BPIFB2: variants seen among roughly 807,000 people sequenced by gnomAD.
BPIFB2 encodes the protein BPI fold containing family B member 2.
Under a neutral mutation model 50.1 loss-of-function variants are expected in BPIFB2, and 39 were observed. The ratio of observed to expected loss-of-function variants is 0.78; its 90% CI spans 0.60 to 1.02. The LOEUF (loss-of-function observed/expected upper bound fraction) is 1.02, where lower values mean the gene tolerates loss of function less well. Ranked by LOEUF, BPIFB2 falls within the 50% of genes least tolerant of loss-of-function variation. The pLI is 0.00. For missense variants in BPIFB2, 574 were observed against 585.8 expected (o/e 0.98, Z 0.21); for synonymous variants, 280 against 256.3 (o/e 1.09, Z -0.88).
Position 33,019,665 on chromosome 20 carries a change from A to G in BPIFB2, c.995A>G (p.Asn332Ser). 1 of 1,612,136 alleles carries G rather than the reference A, an allele frequency of 6.2e-7. No individual in the cohort carries two copies. Among genetic ancestry groups the G allele is most frequent in the Non-Finnish European group, 8.5e-7 (1 of 1,179,196 alleles). The change falls in exon 11 of 16, where the codon AAC becomes AGC. Residue 332 changes from asparagine (N) to serine (S), a missense_variant. By Grantham distance (46) the Asn-to-Ser change is conservative (BLOSUM62 1). Transcript: ENST00000170150. The stretch of plus-strand genomic sequence containing the variant: ...CCTGTGGCCATGCTCCACACAAACA[A>G]CGCCACCCTGCGGCTGCAGCCCTTC... ...ATPVAMLHTNNATLRLQPFVE... is the reference protein window; with the variant it reads ...ATPVAMLHTNSATLRLQPFVE...
chr20:33,021,015 C>T (rs1568979783), intron 13 of BPIFB2, among the ~76,000 whole-genome samples: 1 of 152,166 alleles, frequency 6.6e-6, no homozygotes, highest in Non-Finnish European at 1.5e-5. Context: ...CGTGAGTGTC[C>T]ACAGTCAGTG....
At chr20:33,008,019 G>A (rs527644726) in intron 1 of BPIFB2, among the ~76,000 whole-genome samples, 1 of 152,296 alleles carries the variant, frequency 6.6e-6, no homozygotes, top group Non-Finnish European at 1.5e-5. Flanking sequence ...GAGAGGATGG[G>A]GGCCATGTGA....
At chr20:33,021,898 AC>A in intron 15 of BPIFB2, 99 bp downstream of exon 15, 1 of 1,209,398 alleles carries the variant, frequency 8.3e-7, no homozygotes, top group Non-Finnish European at 1.2e-6. Context: ...GGCTGCCAAA[AC>A]CATGCCATGA....
chr20:33,018,228 A>T, intron 7 of BPIFB2, 31 bp from the exon 8 acceptor site: 1 of 1,528,840 alleles, frequency 6.5e-7, no homozygotes. Context: ...TAAATATGCC[A>T]TCTTTTCTTC....
At position 33,023,324 on chromosome 20, in the gene BPIFB2, G is replaced by T. The variant is rs961725833; in HGVS notation, c.1336-18G>T. 1 of 1,613,238 alleles carries T rather than the reference G, an allele frequency of 6.2e-7. No individual in the cohort carries two copies. Among genetic ancestry groups the T allele is most frequent in the Non-Finnish European group, 8.5e-7 (1 of 1,179,398 alleles). On this transcript the variant is annotated intron_variant, in intron 15 of 15. Transcript: ENST00000170150. The stretch of plus-strand genomic sequence containing the variant: ...TGTGCCTCCTCTGACCTGGTCCATG[G>T]TTTCCTTTGCCCTTCAGGGCTACGT...
intron 3 of BPIFB2, among the ~76,000 whole-genome samples, chr20:33,012,506 C>T (rs1401408991): frequency 3.9e-5 from 6 of 152,134 alleles, no homozygotes; most frequent in African/African-American, 1.2e-4. Flanking sequence ...TCTTTTCCAA[C>T]CTTCCCAACT....
chr20:33,015,861 C>T (rs977331470), intron 6 of BPIFB2, among the ~76,000 whole-genome samples: 14 of 152,116 alleles, frequency 9.2e-5, no homozygotes, highest in African/African-American at 2.2e-4. Flanking sequence ...GTGGCCTGGA[C>T]GGGTCCTGGT....
At chr20:33,019,926 T>G (rs936933505) in intron 11 of BPIFB2, among the ~76,000 whole-genome samples, 176 bp downstream of exon 11, 2 of 152,204 alleles carry the variant, frequency 1.3e-5, no homozygotes, top group African/African-American at 4.8e-5. Flanking sequence ...CCTAGGACTC[T>G]CCCACCCTGG....
rs184207662 is a variant in BPIFB2, at chr20:33,023,099, T to C, written c.1336-243T>C. 2.4e-4 allele frequency among the ~76,000 whole-genome samples: 36 copies of C among 152,288 alleles called. 1 individual carries two copies. Among genetic ancestry groups the C allele is most frequent in the African/African-American group, 7.9e-4 (33 of 41,564 alleles). On this transcript the variant is annotated intron_variant, in intron 15 of 15. Transcript: ENST00000170150. ...CATAAAGCATCAGTGGTATCCACCA[T>C]CGGAGCAGCAACCAGTGCCTTCCAT... is the stretch of plus-strand genomic sequence containing the variant.
intron 1 of BPIFB2, 56 bp from the exon 2 acceptor site, chr20:33,008,485 G>A: frequency 9.3e-7 from 1 of 1,072,638 alleles, no homozygotes; most frequent in East Asian, 2.7e-5. Flanking sequence ...TGGGGTTCGG[G>A]TGGCTCAGGG....
chr20:33,011,007 C>G lies in BPIFB2; in HGVS notation c.110-17C>G. 6.2e-7 allele frequency: 1 copy of G among 1,611,560 alleles called. No individual in the cohort carries two copies. On this transcript the variant is annotated splice_polypyrimidine_tract_variant and intron_variant, in intron 2 of 15. Coordinates refer to ENST00000170150, the MANE Select transcript of BPIFB2 (RefSeq NM_025227.3). ...TTCCCGAGGGCACCCTGACCTCACT[C>G]TACCCTGGCCCCACAGTGTCTGAAA... is the stretch of plus-strand genomic sequence containing the variant.
Position 33,020,526 on chromosome 20 carries a change from C to T in BPIFB2, c.1149-16C>T, listed in dbSNP as rs757903644. 1.9e-6 allele frequency: 3 copies of T among 1,604,706 alleles called. No individual in the cohort carries two copies. The highest frequency in any genetic ancestry group is 2.6e-6 in the Non-Finnish European group (3 of 1,174,164). On this transcript the variant is annotated splice_polypyrimidine_tract_variant and intron_variant, in intron 12 of 15. Coordinates refer to ENST00000170150, the MANE Select transcript of BPIFB2 (RefSeq NM_025227.3). Reference sequence around the variant, plus strand: ...GGTGCCAGACCCTGTCCTGAATTCTCCTGCTTCTCTTTCAGGGATGTCCAG... The same window carrying T: ...GGTGCCAGACCCTGTCCTGAATTCTTCTGCTTCTCTTTCAGGGATGTCCAG...
rs545689792 is a variant in BPIFB2 at position 33,019,014 on chromosome 20, G to A, written c.856-48G>A. The A allele has an allele frequency of 2.5e-6, 4 of 1,612,352 alleles. No homozygotes were observed. In the African/African-American group the frequency reaches 5.3e-5, roughly 21 times the overall value. On this transcript the variant is annotated intron_variant, in intron 9 of 15. Transcript: ENST00000170150. ...AGGGGGAAAGTGGTGATCTGTCTTG[G>A]GGAGCAGCTGTCCTAAAACCTGTTG...
chr20:33,010,588 G>A (rs906087434), intron 2 of BPIFB2, among the ~76,000 whole-genome samples: 3 of 152,140 alleles, frequency 2.0e-5, no homozygotes, highest in Non-Finnish European at 4.4e-5. Flanking sequence ...GCCCCCAGGT[G>A]AGGCTGTCCC....
At position 33,019,273 on chromosome 20, in the gene BPIFB2, C is replaced by T. The variant is rs1411501237; in HGVS notation, c.909+158C>T. 2.0e-5 allele frequency among the ~76,000 whole-genome samples: 3 copies of T among 152,070 alleles called. No individual in the cohort carries two copies. The East Asian group carries it at 5.8e-4, about 30-fold the overall frequency. On this transcript the variant is annotated intron_variant, in intron 10 of 15. Coordinates refer to ENST00000170150, the MANE Select transcript of BPIFB2 (RefSeq NM_025227.3). ...CATCTTGGGGAGGCTCTAACTTCTG[C>T]CCAGACATCACACTCTGTCTCTCTG...
chr20:33,019,855 T>C, intron 11 of BPIFB2, 105 bp downstream of exon 11: 1 of 1,338,912 alleles, frequency 7.5e-7, no homozygotes, highest in Non-Finnish European at 9.9e-7. Context: ...TTGTCTTCGC[T>C]GTTCCTTGAA....
Position 33,017,112 on chromosome 20 carries a change from G to T in BPIFB2, c.577+10G>T. On this transcript the variant is annotated intron_variant, in intron 7 of 15. Transcript: ENST00000170150. ...CTGGGCACCTTAATTGGTAAGATCTGGGAGCCAGGGGAGGGGGCTGGGGCC... is the reference window on the plus strand; with the variant it reads ...CTGGGCACCTTAATTGGTAAGATCTTGGAGCCAGGGGAGGGGGCTGGGGCC... 1 of 1,613,146 alleles carries T rather than the reference G, an allele frequency of 6.2e-7. No individual in the cohort carries two copies. The highest frequency in any genetic ancestry group is 8.5e-7 in the Non-Finnish European group (1 of 1,179,602).
chr20:33,016,396 G>A (rs553590956), intron 6 of BPIFB2, among the ~76,000 whole-genome samples: 3 of 152,134 alleles, frequency 2.0e-5, no homozygotes, highest in South Asian at 2.1e-4. Context: ...GCCTCTTCTG[G>A]GCAAGGGGCT....
At chr20:33,008,000 C>A (rs1029068828) in intron 1 of BPIFB2, among the ~76,000 whole-genome samples, 3 of 152,192 alleles carry the variant, frequency 2.0e-5, no homozygotes, top group Non-Finnish European at 4.4e-5. Context: ...TTTGGCCAGA[C>A]TGAGTCAGGA....
Sources: gnomAD v4.1 joint callset for allele counts (sites outside exome capture counted in the v4.1 genomes callset) on GRCh38, gnomAD v4.1.1 for gene constraint, MANE v1.5 for transcripts, NCBI Gene and HGNC (gene_info 2026-07-23, HGNC 2026-07-21) for gene names.